Variants in PLCG2 observed in about 807,000 individuals in gnomAD.
PLCG2 encodes phospholipase C gamma 2, also known as 1-phosphatidylinositol 4,5-bisphosphate phosphodiesterase gamma-2.
PLCG2 carries 69 observed loss-of-function variants against 175.6 expected under a neutral mutation model. The ratio of observed to expected loss-of-function variants is 0.39; its 90% CI spans 0.32 to 0.48. PLCG2 has a LOEUF of 0.48. Among genes scored for constraint, PLCG2 ranks in the 20% least tolerant of loss-of-function variants. The pLI, the probability that PLCG2 is intolerant of heterozygous loss-of-function variation, is 0.91. For synonymous variants in PLCG2, 827 were observed against 624.0 expected (o/e 1.33, Z -4.85); for missense variants, 1,798 against 1,650.9 (o/e 1.09, Z -1.54).
chr16:81,803,089 C>A (rs546138257), intron 2 of PLCG2, among the ~76,000 whole-genome samples: 1 of 150,930 alleles, frequency 6.6e-6, no homozygotes, highest in Admixed American at 6.6e-5. Context: ...ACATTTCTCA[C>A]AATACATGGC....
chr16:81,794,128 A>C (rs1406773496), intron 2 of PLCG2, among the ~76,000 whole-genome samples: 1 of 152,124 alleles, frequency 6.6e-6, no homozygotes, highest in South Asian at 2.1e-4. Context: ...CTCAGTGCTC[A>C]TCCTAGAGGC....
chr16:81,778,039 A>AACAAAAC (rs1555505456), upstream of PLCG2, among the ~76,000 whole-genome samples: 4 of 80,424 alleles, frequency 5.0e-5, no homozygotes, highest in East Asian at 5.7e-4. Flanking sequence ...AAACAAAAAA[A>AACAAAAC]AAACAAAAAA....
At chr16:81,902,119 T>C (rs58630618) in intron 14 of PLCG2, among the ~76,000 whole-genome samples, 6,518 of 152,300 alleles carry the variant, frequency 0.043, 456 homozygotes, top group African/African-American at 0.15. Context: ...CGTCCTTTTC[T>C]CTACTGTTCT....
At chr16:81,765,258 A>G (rs1910123021) in intron 2 of PLCG2, among the ~76,000 whole-genome samples, 1 of 152,180 alleles carries the variant, frequency 6.6e-6, no homozygotes, top group African/African-American at 2.4e-5. Flanking sequence ...TGCAAACCAG[A>G]ACACACAAAA....
At chr16:81,867,359 C>T (rs11645253) in intron 5 of PLCG2, among the ~76,000 whole-genome samples, 7,772 of 152,224 alleles carry the variant, frequency 0.051, 237 homozygotes, top group Middle Eastern at 0.092. Context: ...CTTGACCCAC[C>T]CACCCCACTA....
At position 81,959,969 on chromosome 16, in the gene PLCG2, C is replaced by CCTGA. The variant is rs559483893; in HGVS notation, c.*1973_*1976dup. On this transcript the variant is annotated 3_prime_UTR_variant, in exon 33 of 33. Transcript: ENST00000564138. ...GGTTTTTTGCTACCATATCAAAGAA[C>CCTGA]CTGACATATGGCGGCATAGGAAGCA... 45 of 206,062 alleles carry CCTGA rather than the reference C, an allele frequency of 2.2e-4. No individual in the cohort carries two copies. The highest frequency in any genetic ancestry group is 9.3e-4 in the African/African-American group (41 of 43,884). The allele number at this position is 206,062 out of a possible 1,614,324, so 12.8% of individuals were successfully genotyped here. A position where few individuals can be genotyped will look rare whatever the true frequency, so the allele number is the denominator to read the frequency against.
intron 25 of PLCG2, among the ~76,000 whole-genome samples, chr16:81,933,438 G>A (rs1910585256): frequency 6.6e-6 from 1 of 152,182 alleles, no homozygotes; most frequent in Non-Finnish European, 1.5e-5. Flanking sequence ...CCACCTCATT[G>A]ATGGCAGAGG....
At chr16:81,946,492 G>C (rs903662921) in intron 31 of PLCG2, among the ~76,000 whole-genome samples, 1 of 152,178 alleles carries the variant, frequency 6.6e-6, no homozygotes, top group African/African-American at 2.4e-5. Context: ...TGTGTAGGCA[G>C]TGTAGGAAAG....
At chr16:81,947,355 A>C (rs964992626) in intron 31 of PLCG2, among the ~76,000 whole-genome samples, 5 of 152,106 alleles carry the variant, frequency 3.3e-5, no homozygotes, top group Admixed American at 6.5e-5. Flanking sequence ...CTAGGTCTTG[A>C]GATTTCATTT....
chr16:81,763,535 G>C (rs1910082926), intron 2 of PLCG2, among the ~76,000 whole-genome samples: 1 of 152,228 alleles, frequency 6.6e-6, no homozygotes, highest in South Asian at 2.1e-4. Flanking sequence ...GGCTCCCCGG[G>C]CACCTCTCCA....
chr16:81,919,901 G>A (rs1279692316), intron 20 of PLCG2, among the ~76,000 whole-genome samples: 1 of 152,176 alleles, frequency 6.6e-6, no homozygotes, highest in South Asian at 2.1e-4. Flanking sequence ...ATGGTGATGA[G>A]TGCTATGGAG....
chr16:81,861,774 G>A (rs1472773138), intron 5 of PLCG2, among the ~76,000 whole-genome samples: 1 of 152,206 alleles, frequency 6.6e-6, no homozygotes, highest in Non-Finnish European at 1.5e-5. Context: ...GTGCTGGTAT[G>A]GTATGGCCAA....
At chr16:81,918,831 A>T (rs930162399) in intron 19 of PLCG2, among the ~76,000 whole-genome samples, 1 of 152,104 alleles carries the variant, frequency 6.6e-6, no homozygotes, top group Non-Finnish European at 1.5e-5. Context: ...AAAACCAAGG[A>T]GGCTCTTCTG....
intron 2 of PLCG2, among the ~76,000 whole-genome samples, chr16:81,769,181 G>A (rs1315095174): frequency 6.6e-6 from 1 of 152,200 alleles, no homozygotes; most frequent in Non-Finnish European, 1.5e-5. Flanking sequence ...CTCACCATGA[G>A]TGATGAGCTG....
rs138834146 is a variant in PLCG2 at position 81,959,439 on chromosome 16, T to C, written c.*1441T>C. ...CCACATGCCAAATACAGTGCCAAGA[T>C]TTGGGGGTGTGGATGTTTAAACAAA... On this transcript the variant is annotated 3_prime_UTR_variant, in exon 33 of 33. Transcript: ENST00000564138. The C allele has an allele frequency of 3.2e-4, 69 of 219,024 alleles. No homozygotes were observed. The East Asian group carries it at 4.5e-3, about 14-fold the overall frequency. The allele number at this position is 219,024 out of a possible 1,614,324, so 13.6% of individuals were successfully genotyped here.
At chr16:81,835,256 A>G (rs967473725) in intron 2 of PLCG2, among the ~76,000 whole-genome samples, 6 of 152,226 alleles carry the variant, frequency 3.9e-5, no homozygotes, top group Non-Finnish European at 8.8e-5. Context: ...AGCAGTTAAT[A>G]TACTACCTTA....
intron 16 of PLCG2, among the ~76,000 whole-genome samples, 177 bp downstream of exon 16, chr16:81,907,951 G>C (rs1027975275): frequency 6.6e-6 from 1 of 152,144 alleles, no homozygotes; most frequent in Non-Finnish European, 1.5e-5. Context: ...CTGATTGGCT[G>C]GCTGCCCCAG....
At position 81,962,080 on chromosome 16, in the gene PLCG2, A is replaced by G. The variant is rs1404896446; in HGVS notation, c.*4082A>G. On this transcript the variant is annotated 3_prime_UTR_variant, in exon 33 of 33. Transcript: ENST00000564138. ...GCGCGCTCCGTCGAAGAGGACGACC[A>G]ACCCCGATAGAGGAGGACCGGTCTT... The G allele has an allele frequency of 1.1e-5, 2 of 186,488 alleles. No homozygotes were observed. Among genetic ancestry groups the G allele is most frequent in the Admixed American group, 6.2e-5 (1 of 16,066 alleles). 11.6% of individuals were successfully genotyped at this position (186,488 alleles called of 1,614,324 possible).
intron 2 of PLCG2, among the ~76,000 whole-genome samples, chr16:81,764,498 C>G (rs1290314525): frequency 6.6e-6 from 1 of 152,182 alleles, no homozygotes; most frequent in Non-Finnish European, 1.5e-5. Context: ...TAGATTCACT[C>G]TCCTCAAAGA....
Sources: allele counts gnomAD v4.1 joint callset (sites outside exome capture counted in the v4.1 genomes callset), GRCh38; gene constraint gnomAD v4.1.1; transcripts MANE v1.5; gene names NCBI Gene and HGNC (gene_info 2026-07-23, HGNC 2026-07-21).